Variants in IKBKB-DT observed in about 807,000 individuals in gnomAD.
The protein encoded by IKBKB-DT is IKBKB divergent transcript.
chr8:42,236,537 G>T (rs1237837134), intron 3 of IKBKB-DT, among the ~76,000 whole-genome samples: 2 of 152,134 alleles, frequency 1.3e-5, no homozygotes, highest in Non-Finnish European at 2.9e-5. Context: ...AGGCCGAGGC[G>T]GGTGGATCAC....
chr8:42,235,827 A>AAG (rs1806912894), intron 3 of IKBKB-DT, among the ~76,000 whole-genome samples: 1 of 152,116 alleles, frequency 6.6e-6, no homozygotes, highest in Non-Finnish European at 1.5e-5. Flanking sequence ...AGTGGGCAGT[A>AAG]AGAACCAATT....
chr8:42,241,544 C>A (rs1415971156), intron 3 of IKBKB-DT, among the ~76,000 whole-genome samples: 1 of 152,066 alleles, frequency 6.6e-6, no homozygotes, highest in African/African-American at 2.4e-5. Flanking sequence ...AAATACTAAT[C>A]ACAGCAAGAA....
chr8:42,233,998 G>A (rs1344144571), intron 3 of IKBKB-DT: 12 of 152,212 alleles, frequency 7.9e-5, no homozygotes, highest in African/African-American at 2.7e-4. Flanking sequence ...CCAGCTGCAT[G>A]ACTCCTAAAC....
intron 3 of IKBKB-DT, among the ~76,000 whole-genome samples, chr8:42,247,441 A>G (rs757558229): frequency 1.3e-5 from 2 of 152,212 alleles, no homozygotes; most frequent in Non-Finnish European, 2.9e-5. Flanking sequence ...TTACTGGCTC[A>G]TAGGCAGAAG....
intron 2 of IKBKB-DT, among the ~76,000 whole-genome samples, chr8:42,264,678 C>T (rs1466221236): frequency 6.6e-6 from 1 of 151,852 alleles, no homozygotes; most frequent in Non-Finnish European, 1.5e-5. Context: ...CCTGTCTCAG[C>T]CTCCCAAGTA....
At chr8:42,262,980 A>T (rs191040669) in intron 3 of IKBKB-DT, among the ~76,000 whole-genome samples, 18 of 151,856 alleles carry the variant, frequency 1.2e-4, no homozygotes, top group Non-Finnish European at 2.1e-4. Context: ...GGCTCAAGTG[A>T]TCCACCAGCC....
At chr8:42,246,015 C>T (rs1807059249) in intron 3 of IKBKB-DT, among the ~76,000 whole-genome samples, 1 of 152,052 alleles carries the variant, frequency 6.6e-6, no homozygotes, top group Non-Finnish European at 1.5e-5. Flanking sequence ...AGATCTGATG[C>T]AGAGATATTT....
In IKBKB-DT at chr8:42,235,205, C is replaced by CTTTTTT. The variant is rs746414963; in HGVS notation, n.1530-1352_1530-1347dup. ...TTTCTTTTTTCTTTTCTTTTATTTTCTTTTTTTTTTTTTTTTTGAGACAGA... is the reference window on the plus strand; with the variant it reads ...TTTCTTTTTTCTTTTCTTTTATTTTCTTTTTTTTTTTTTTTTTTTTTTTGAGACAGA... On this transcript the variant is annotated intron_variant and non_coding_transcript_variant, in intron 3 of 3. Transcript: ENST00000518213. Among the ~76,000 whole-genome samples the CTTTTTT allele has an allele frequency of 3.3e-4, 33 of 99,400 alleles. 1 individual carries two copies. The highest frequency in any genetic ancestry group is 1.4e-3 in the South Asian group (5 of 3,456). The allele number at this position is 99,400 out of a possible 152,430, so 65.2% of individuals were successfully genotyped here. A position where few individuals can be genotyped will look rare whatever the true frequency, so the allele number is the denominator to read the frequency against.
chr8:42,259,126 A>G (rs980317047), intron 3 of IKBKB-DT, among the ~76,000 whole-genome samples: 1 of 151,704 alleles, frequency 6.6e-6, no homozygotes, highest in Non-Finnish European at 1.5e-5. Flanking sequence ...CTCGGGTTCA[A>G]GCGATTCTCC....
chr8:42,240,357 G>A (rs963615167), intron 3 of IKBKB-DT, among the ~76,000 whole-genome samples: 6 of 152,012 alleles, frequency 3.9e-5, no homozygotes, highest in Admixed American at 2.6e-4. Context: ...AGGCACAGTG[G>A]CTCACACCTG....
At chr8:42,271,039 G>C (rs1473895628) in exon 1 of IKBKB-DT, 1 of 240,436 alleles carries the variant, frequency 4.2e-6, no homozygotes, top group African/African-American at 2.3e-5. Context: ...CCCCATACCC[G>C]GGCCCAGAAA....
chr8:42,268,187 T>A (rs547940051), intron 1 of IKBKB-DT, among the ~76,000 whole-genome samples: 82 of 148,200 alleles, frequency 5.5e-4, no homozygotes, highest in African/African-American at 2.0e-3. Flanking sequence ...CAGGCTGGAG[T>A]GCAATGGCAC....
At chr8:42,238,233 TG>T (rs1186016017) in intron 3 of IKBKB-DT, among the ~76,000 whole-genome samples, 1 of 151,798 alleles carries the variant, frequency 6.6e-6, no homozygotes, top group Admixed American at 6.6e-5. Flanking sequence ...ATTGGCTGAG[TG>T]GGGAGCGTGT....
chr8:42,268,961 T>A (rs1462007952), intron 1 of IKBKB-DT, among the ~76,000 whole-genome samples: 1 of 152,242 alleles, frequency 6.6e-6, no homozygotes, highest in Admixed American at 6.5e-5. Context: ...TACAACTATT[T>A]ACTCATGTTC....
intron 3 of IKBKB-DT, among the ~76,000 whole-genome samples, chr8:42,253,864 T>C (rs1034288054): frequency 6.6e-6 from 1 of 152,184 alleles, no homozygotes; most frequent in Non-Finnish European, 1.5e-5. Flanking sequence ...TCACATTCTG[T>C]ATTCTAGCAA....
At chr8:42,265,896 T>C (rs1807362593) in exon 2 of IKBKB-DT, among the ~76,000 whole-genome samples, 1 of 152,166 alleles carries the variant, frequency 6.6e-6, no homozygotes, top group South Asian at 2.1e-4. Flanking sequence ...AGTTTCTTGA[T>C]TGGCCCAGGT....
intron 3 of IKBKB-DT, among the ~76,000 whole-genome samples, chr8:42,262,411 C>G (rs1296676714): frequency 7.0e-6 from 1 of 143,186 alleles, no homozygotes; most frequent in Admixed American, 6.8e-5. Context: ...TCCAGGAGAG[C>G]TAACTACCAC....
At chr8:42,241,481 C>T (rs1225774006) in intron 3 of IKBKB-DT, among the ~76,000 whole-genome samples, 1 of 152,012 alleles carries the variant, frequency 6.6e-6, no homozygotes, top group Non-Finnish European at 1.5e-5. Flanking sequence ...CACTTTACTG[C>T]TTCTAGTTTC....
chr8:42,264,224 C>T (rs1461142455), intron 2 of IKBKB-DT, among the ~76,000 whole-genome samples: 2 of 151,370 alleles, frequency 1.3e-5, no homozygotes, highest in African/African-American at 2.4e-5. Flanking sequence ...TAATTAGAGA[C>T]AAGGTCTTGC....
Sources: gnomAD v4.1 joint callset for allele counts (sites outside exome capture counted in the v4.1 genomes callset) on GRCh38, gnomAD v4.1.1 for gene constraint, MANE v1.5 for transcripts, NCBI Gene and HGNC (gene_info 2026-07-23, HGNC 2026-07-21) for gene names.